The following UTRN variants were observed in gnomAD, a reference collection of about 807,000 sequenced individuals.
UTRN encodes dystrophin-related protein 1.
Under a neutral mutation model 463.9 loss-of-function variants are expected in UTRN, and 283 were observed. The ratio of observed to expected loss-of-function variants is 0.61; its 90% confidence interval spans 0.55 to 0.67. The LOEUF (loss-of-function observed/expected upper bound fraction) is 0.67, where lower values mean the gene tolerates loss of function less well. Among genes scored for constraint, UTRN ranks in the 30% least tolerant of loss-of-function variants. The pLI, the probability that UTRN is intolerant of heterozygous loss-of-function variation, is 0.00. For missense variants in UTRN, 3,922 were observed against 4,084.3 expected (o/e 0.96, Z 1.08); for synonymous variants, 1,442 against 1,431.5 (o/e 1.01, Z -0.17).
At chr6:144,552,831 A>T (rs528007898) in intron 48 of UTRN, among the ~76,000 whole-genome samples, 1 of 152,300 alleles carries the variant, frequency 6.6e-6, no homozygotes, top group African/African-American at 2.4e-5. Context: ...AAAGGATTCT[A>T]TTAGTAATAG....
intron 46 of UTRN, among the ~76,000 whole-genome samples, chr6:144,544,871 A>G (rs1436531233): frequency 1.3e-5 from 2 of 152,066 alleles, no homozygotes; most frequent in Admixed American, 6.6e-5. Context: ...TGGGCTGCTT[A>G]CGTATCCTCT....
At chr6:144,700,350 T>C (rs1586094664) in intron 53 of UTRN, 107 bp downstream of exon 53, 3 of 1,226,078 alleles carry the variant, frequency 2.4e-6, no homozygotes, top group Non-Finnish European at 3.2e-6. Context: ...ATCACAGGAT[T>C]CCCCCCCCCA....
At chr6:144,789,904 T>C (rs1776616620) in intron 62 of UTRN, among the ~76,000 whole-genome samples, 1 of 152,200 alleles carries the variant, frequency 6.6e-6, no homozygotes, top group Admixed American at 6.5e-5. Flanking sequence ...GTATATTGGC[T>C]TTGGAAAAGA....
At chr6:144,557,427 A>ATTTAT in intron 50 of UTRN, 116 bp downstream of exon 50, 2 of 858,198 alleles carry the variant, frequency 2.3e-6, no homozygotes, top group Non-Finnish European at 3.2e-6. Context: ...TTTTATTATT[A>ATTTAT]TGTATTTTTA....
intron 2 of UTRN, among the ~76,000 whole-genome samples, chr6:144,304,652 CAA>C (rs912991876): frequency 8.6e-5 from 13 of 151,960 alleles, no homozygotes; most frequent in African/African-American, 3.1e-4. Flanking sequence ...GAGTTGATGA[CAA>C]GAGGTTTGGA....
At chr6:144,395,141 C>G (rs1032608538) in intron 2 of UTRN, among the ~76,000 whole-genome samples, 1 of 151,976 alleles carries the variant, frequency 6.6e-6, no homozygotes, top group South Asian at 2.1e-4. Context: ...TAAGTTTAGC[C>G]TTTTGTCAAT....
rs557322290 is a variant in UTRN, at chr6:144,590,204, C to T, written c.7479+12916C>T. Among the ~76,000 whole-genome samples, 20 of 152,200 alleles carry T rather than the reference C, an allele frequency of 1.3e-4. No individual in the cohort carries two copies. In the South Asian group the frequency reaches 3.9e-3, roughly 30 times the overall value. On this transcript the variant is annotated intron_variant, in intron 51 of 74. Transcript: ENST00000367545. ...GTAAGGAAATATATTCTTTTCAAAA[C>T]TATTTCGATGTTCGATGTTCAAGTA...
At chr6:144,745,983 T>A (rs1324336981) in intron 54 of UTRN, among the ~76,000 whole-genome samples, 1 of 151,218 alleles carries the variant, frequency 6.6e-6, no homozygotes, top group Non-Finnish European at 1.5e-5. Flanking sequence ...AAGTATTATA[T>A]ATTCATCATT....
intron 34 of UTRN, among the ~76,000 whole-genome samples, chr6:144,509,114 A>G (rs1422252532): frequency 5.3e-5 from 8 of 152,134 alleles, no homozygotes; most frequent in African/African-American, 1.4e-4. Context: ...GAATTCATAC[A>G]TTTGTGTAGT....
At chr6:144,782,152 A>G (rs1775888121) in intron 61 of UTRN, 29 bp downstream of exon 61, 1 of 1,527,336 alleles carries the variant, frequency 6.5e-7, no homozygotes, top group Middle Eastern at 1.7e-4. Context: ...TCATTAAAAT[A>G]CGATCACTGA....
intron 2 of UTRN, among the ~76,000 whole-genome samples, chr6:144,305,843 G>A (rs1805685801): frequency 6.6e-6 from 1 of 152,248 alleles, no homozygotes. Flanking sequence ...TCAGCTATGA[G>A]CCCTCAGCTG....
intron 2 of UTRN, among the ~76,000 whole-genome samples, chr6:144,343,282 T>C (rs1486151036): frequency 6.6e-6 from 1 of 152,060 alleles, no homozygotes; most frequent in Non-Finnish European, 1.5e-5. Context: ...GCTTTTTGCA[T>C]GTATGTGGTG....
chr6:144,337,967 G>A (rs1208683784), intron 2 of UTRN, among the ~76,000 whole-genome samples: 1 of 152,052 alleles, frequency 6.6e-6, no homozygotes, highest in Non-Finnish European at 1.5e-5. Context: ...AACTCTCTCT[G>A]ACTTAATTCT....
At chr6:144,509,495 C>T (rs1329887968) in intron 34 of UTRN, among the ~76,000 whole-genome samples, 2 of 151,822 alleles carry the variant, frequency 1.3e-5, no homozygotes, top group Non-Finnish European at 2.9e-5. Flanking sequence ...TCTTAAGTTT[C>T]CATTTAATCT....
chr6:144,732,237 T>TATATATATATATATATATATATAC (rs1314919610), intron 54 of UTRN, among the ~76,000 whole-genome samples: 1 of 87,310 alleles, frequency 1.1e-5, no homozygotes, highest in East Asian at 2.6e-4. Context: ...TATATATATA[T>TATATATATATATATATATATATAC]ACATATATAT....
At chr6:144,612,333 G>A in intron 51 of UTRN, among the ~76,000 whole-genome samples, 1 of 151,722 alleles carries the variant, frequency 6.6e-6, no homozygotes, top group East Asian at 1.9e-4. Flanking sequence ...TTTTTAATAT[G>A]GCCGTTCACC....
At chr6:144,418,389 T>C (rs1455612445) in intron 3 of UTRN, among the ~76,000 whole-genome samples, 1 of 150,606 alleles carries the variant, frequency 6.6e-6, no homozygotes, top group Non-Finnish European at 1.5e-5. Flanking sequence ...AATTTTTTTT[T>C]TTTTTTTGTA....
At chr6:144,312,920 C>T (rs925909008) in intron 2 of UTRN, among the ~76,000 whole-genome samples, 3 of 152,160 alleles carry the variant, frequency 2.0e-5, no homozygotes, top group African/African-American at 7.2e-5. Flanking sequence ...TACAGAGAGG[C>T]TCCAGGGGTG....
intron 51 of UTRN, among the ~76,000 whole-genome samples, chr6:144,640,181 G>A (rs1185343269): frequency 2.0e-5 from 3 of 152,118 alleles, no homozygotes; most frequent in Non-Finnish European, 2.9e-5. Flanking sequence ...AAGACATATC[G>A]TGGAAACATC....
Sources: allele counts gnomAD v4.1 joint callset (sites outside exome capture counted in the v4.1 genomes callset), GRCh38; gene constraint gnomAD v4.1.1; transcripts MANE v1.5; gene names NCBI Gene and HGNC (gene_info 2026-07-23, HGNC 2026-07-21).